The following PIWIL2 variants were observed in gnomAD, a reference collection of about 807,000 sequenced individuals.
PIWIL2 encodes the protein piwi-like protein 2.
In PIWIL2, 81 loss-of-function variants were observed where a neutral mutation model predicts 116.5. That is an observed-to-expected ratio of 0.70 (90% CI 0.58 to 0.84). The LOEUF is 0.84. Among genes scored for constraint, PIWIL2 ranks in the 40% least tolerant of loss-of-function variants. The probability of loss-of-function intolerance (pLI) is 0.00; values close to 1 mark genes in which losing one functional copy is unlikely to be tolerated. For synonymous variants in PIWIL2, 489 were observed against 429.5 expected, an observed-to-expected ratio of 1.14 and a Z score of -1.71; for missense variants, 1,272 against 1,212.3, an observed-to-expected ratio of 1.05 and a Z score of -0.73.
chr8:22,288,520 C>A (rs1478066385), intron 7 of PIWIL2, 22 bp from the exon 8 acceptor site: 1 of 1,602,368 alleles, frequency 6.2e-7, no homozygotes, highest in South Asian at 1.1e-5. Flanking sequence ...TTTTGTTTCA[C>A]CTGTGTGTAT....
intron 18 of PIWIL2, among the ~76,000 whole-genome samples, chr8:22,315,533 T>C (rs2132052142): frequency 6.6e-6 from 1 of 152,252 alleles, no homozygotes; most frequent in African/African-American, 2.4e-5. Context: ...GCCAGGCTGG[T>C]CTCAAACTCC....
At chr8:22,349,097 G>A (rs529059380) in intron 20 of PIWIL2, among the ~76,000 whole-genome samples, 1 of 140,164 alleles carries the variant, frequency 7.1e-6, no homozygotes, top group South Asian at 2.3e-4. Context: ...CACCCAGGCT[G>A]GAGTGCAGAG....
In PIWIL2 at chr8:22,279,587, A is replaced by G. The variant is rs779631879; in HGVS notation, c.198+3A>G. The G allele has an allele frequency of 1.2e-6, 2 of 1,613,624 alleles. No individual in the cohort carries two copies. The highest frequency in any genetic ancestry group is 2.2e-5 in the East Asian group (1 of 44,874). ...CACAGAGGGGGCCAGCACAAAGGGT[A>G]AGACCACTTCCGGATGCATAGGAGT... On this transcript the variant is annotated splice_donor_region_variant and intron_variant, in intron 2 of 22. Coordinates refer to ENST00000356766, the MANE Select transcript of PIWIL2 (RefSeq NM_018068.5).
chr8:22,324,144 C>G (rs983034730), intron 20 of PIWIL2, among the ~76,000 whole-genome samples: 3 of 152,122 alleles, frequency 2.0e-5, no homozygotes, highest in African/African-American at 7.2e-5. Context: ...CACCTGTAAT[C>G]TCAGCTACTT....
Position 22,334,415 on chromosome 8 carries a change from G to A in PIWIL2, c.2403+16140G>A, listed in dbSNP as rs898843016. Among the ~76,000 whole-genome samples the A allele has an allele frequency of 4.4e-4, 66 of 150,886 alleles. 2 individuals are homozygous for A. Among genetic ancestry groups the A allele is most frequent in the African/African-American group, 1.6e-3 (65 of 40,724 alleles). ...CGGGCGCCTATAGCCCCAGCTACTC[G>A]GGAGACTGAGGCAGGAGAATCGCTT... On this transcript the variant is annotated intron_variant, in intron 20 of 22. Transcript: ENST00000356766.
At chr8:22,292,119 G>C (rs183090297) in intron 10 of PIWIL2, among the ~76,000 whole-genome samples, 3 of 152,280 alleles carry the variant, frequency 2.0e-5, no homozygotes, top group Admixed American at 1.3e-4. Context: ...GCACATGCAG[G>C]GTGGCTAGAG....
chr8:22,300,041 G>A (rs1586554665), intron 10 of PIWIL2, among the ~76,000 whole-genome samples: 1 of 151,930 alleles, frequency 6.6e-6, no homozygotes, highest in Admixed American at 6.6e-5. Flanking sequence ...CCGGGTTCAG[G>A]TGATTCTCCT....
intron 10 of PIWIL2, among the ~76,000 whole-genome samples, chr8:22,301,708 A>T (rs1831053608): frequency 6.9e-6 from 1 of 145,892 alleles, no homozygotes; most frequent in Non-Finnish European, 1.5e-5. Flanking sequence ...GCCTAACTCG[A>T]GGTCGCAAAG....
At chr8:22,284,739 T>TC (rs1374294888) in intron 6 of PIWIL2, among the ~76,000 whole-genome samples, 5 of 148,756 alleles carry the variant, frequency 3.4e-5, no homozygotes, top group Non-Finnish European at 7.4e-5. Flanking sequence ...CTAGTGACAG[T>TC]CTAGGGTTAA....
chr8:22,324,057 T>C (rs1371594855), intron 20 of PIWIL2, among the ~76,000 whole-genome samples: 1 of 151,672 alleles, frequency 6.6e-6, no homozygotes, highest in Middle Eastern at 3.2e-3. Flanking sequence ...AGGTTAGGAG[T>C]TCAAGACCAG....
intron 20 of PIWIL2, among the ~76,000 whole-genome samples, chr8:22,347,692 A>G (rs1832261213): frequency 6.7e-6 from 1 of 149,870 alleles, no homozygotes; most frequent in Non-Finnish European, 1.5e-5. Context: ...ATGCCTGGCT[A>G]ATTTTTGTAT....
chr8:22,334,932 G>T (rs971772129), intron 20 of PIWIL2, among the ~76,000 whole-genome samples: 1 of 151,416 alleles, frequency 6.6e-6, no homozygotes, highest in Non-Finnish European at 1.5e-5. Context: ...GCGGGCACCT[G>T]TAATCCCAGC....
At chr8:22,340,457 G>C (rs944456259) in intron 20 of PIWIL2, among the ~76,000 whole-genome samples, 18 of 152,148 alleles carry the variant, frequency 1.2e-4, no homozygotes, top group Non-Finnish European at 2.4e-4. Context: ...TTGGAAGCAG[G>C]GTCTTTGTAG....
rs746082438 is a variant in PIWIL2 at position 22,295,601 on chromosome 8, C to T, written c.1181+5255C>T. The stretch of plus-strand genomic sequence containing the variant: ...CCCTCTCAGTGTAGCTGCTCAGCCC[C>T]GAGAGCATGTCCATGTCTGTCAGGG... On this transcript the variant is annotated intron_variant, in intron 10 of 22. Transcript: ENST00000356766. Among the ~76,000 whole-genome samples the T allele has an allele frequency of 5.9e-5, 9 of 152,130 alleles. No homozygotes were observed. In the South Asian group the frequency reaches 6.2e-4, roughly 11 times the overall value.
At chr8:22,335,448 C>G (rs1831958564) in intron 20 of PIWIL2, among the ~76,000 whole-genome samples, 1 of 151,762 alleles carries the variant, frequency 6.6e-6, no homozygotes, top group Non-Finnish European at 1.5e-5. Flanking sequence ...TCACTGCAGC[C>G]TCAAGCTCCT....
At chr8:22,327,374 T>A (rs189643807) in intron 20 of PIWIL2, among the ~76,000 whole-genome samples, 2 of 149,782 alleles carry the variant, frequency 1.3e-5, no homozygotes, top group African/African-American at 4.9e-5. Context: ...GTTTCGTTTT[T>A]TTTTTTTTTT....
intron 10 of PIWIL2, among the ~76,000 whole-genome samples, chr8:22,290,883 G>A (rs1444514059): frequency 6.6e-6 from 1 of 151,846 alleles, no homozygotes; most frequent in Non-Finnish European, 1.5e-5. Flanking sequence ...TTGTGGTTAG[G>A]AGAACTTGGT....
In PIWIL2 at chr8:22,352,399, C is replaced by G. The variant is rs80347779; in HGVS notation, c.2404-560C>G. ...TAGCTGTTTGCTAATTACTTAGTTACAGTAAAAATGTTTTACTGTATGTTT... is the reference window on the plus strand; with the variant it reads ...TAGCTGTTTGCTAATTACTTAGTTAGAGTAAAAATGTTTTACTGTATGTTT... On this transcript the variant is annotated intron_variant, in intron 20 of 22. Coordinates refer to ENST00000356766, the MANE Select transcript of PIWIL2 (RefSeq NM_018068.5). Among the ~76,000 whole-genome samples the G allele has an allele frequency of 2.4e-3, 370 of 152,310 alleles. 9 individuals are homozygous for G. The East Asian group carries it at 0.06, about 25-fold the overall frequency.
At chr8:22,318,011 C>T (rs909402589) in intron 19 of PIWIL2, among the ~76,000 whole-genome samples, 159 bp from the exon 20 acceptor site, 8 of 152,148 alleles carry the variant, frequency 5.3e-5, no homozygotes, top group Non-Finnish European at 1.2e-4. Flanking sequence ...GTCTTTTCTC[C>T]ATGTCACTGC....
Sources: allele counts gnomAD v4.1 joint callset (sites outside exome capture counted in the v4.1 genomes callset), GRCh38; gene constraint gnomAD v4.1.1; transcripts MANE v1.5; gene names NCBI Gene and HGNC (gene_info 2026-07-23, HGNC 2026-07-21).